Variants in CAMKMT observed in about 807,000 individuals in gnomAD.
CAMKMT encodes the protein CaM KMT.
Under a neutral mutation model 48.0 loss-of-function variants are expected in CAMKMT, and 53 were observed. That is an observed-to-expected ratio of 1.10 (90% CI 0.89 to 1.39). The LOEUF is 1.39. Ranked by LOEUF, CAMKMT falls within the 40% of genes most tolerant of loss-of-function variation. The pLI is 0.00. For synonymous variants in CAMKMT, 165 were observed against 152.3 expected, an observed-to-expected ratio of 1.08 and a Z score of -0.61; for missense variants, 428 against 402.7, an observed-to-expected ratio of 1.06 and a Z score of -0.54.
chr2:44,550,101 T>G (rs1389373931), intron 3 of CAMKMT, among the ~76,000 whole-genome samples: 1 of 152,122 alleles, frequency 6.6e-6, no homozygotes, highest in Non-Finnish European at 1.5e-5. Flanking sequence ...AGCATATATG[T>G]TTTTAAGACT....
chr2:44,378,999 C>G (rs1212805094), intron 2 of CAMKMT, among the ~76,000 whole-genome samples: 2 of 152,164 alleles, frequency 1.3e-5, no homozygotes, highest in African/African-American at 2.4e-5. Flanking sequence ...TGTTGTACAG[C>G]CTTCACCACT....
chr2:44,362,842 G>A (rs780334865), intron 1 of CAMKMT, among the ~76,000 whole-genome samples: 1 of 152,320 alleles, frequency 6.6e-6, no homozygotes, highest in East Asian at 1.9e-4. Context: ...CTCCACTCGT[G>A]CAAGCTTGAC....
intron 3 of CAMKMT, among the ~76,000 whole-genome samples, chr2:44,410,999 C>T (rs1683166222): frequency 6.6e-6 from 1 of 152,004 alleles, no homozygotes; most frequent in Non-Finnish European, 1.5e-5. Context: ...GATTATATAC[C>T]TTAATAAAGG....
chr2:44,499,408 C>G (rs1331910030), intron 3 of CAMKMT, among the ~76,000 whole-genome samples: 1 of 152,160 alleles, frequency 6.6e-6, no homozygotes, highest in Non-Finnish European at 1.5e-5. Flanking sequence ...TTAATTGAAG[C>G]TTTGAATATA....
chr2:44,399,791 T>C (rs1319621929), intron 3 of CAMKMT, among the ~76,000 whole-genome samples: 1 of 152,146 alleles, frequency 6.6e-6, no homozygotes, highest in Non-Finnish European at 1.5e-5. Context: ...GTAGGTAGAC[T>C]GGAAGAAGAA....
rs77997012 is a variant in CAMKMT at position 44,367,313 on chromosome 2, C to G, written c.138+5168C>G. On this transcript the variant is annotated intron_variant, in intron 1 of 10. Coordinates refer to ENST00000378494, the MANE Select transcript of CAMKMT (RefSeq NM_024766.5). ...TAAAGATCTTAAATGCTTCAATATCCGAAACTTTTTGAGAGCCGACATGTT... is the reference window on the plus strand; with the variant it reads ...TAAAGATCTTAAATGCTTCAATATCGGAAACTTTTTGAGAGCCGACATGTT... Among the ~76,000 whole-genome samples, 1,683 of 152,140 alleles carry G rather than the reference C, an allele frequency of 0.011. 102 individuals carry two copies. In the East Asian group the frequency reaches 0.15, roughly 14 times the overall value.
chr2:44,537,881 G>T (rs1666867150), intron 3 of CAMKMT, among the ~76,000 whole-genome samples: 1 of 152,126 alleles, frequency 6.6e-6, no homozygotes, highest in Non-Finnish European at 1.5e-5. Context: ...CAACCTCTAT[G>T]GAAAACAGTA....
intron 3 of CAMKMT, among the ~76,000 whole-genome samples, chr2:44,447,118 A>C (rs1667045132): frequency 6.6e-6 from 1 of 152,130 alleles, no homozygotes; most frequent in Non-Finnish European, 1.5e-5. Flanking sequence ...TATTTAGTGG[A>C]GATATGATGC....
chr2:44,642,209 A>T (rs1359627764), intron 3 of CAMKMT, among the ~76,000 whole-genome samples: 1 of 152,242 alleles, frequency 6.6e-6, no homozygotes, highest in Non-Finnish European at 1.5e-5. Context: ...AGTTATCTTG[A>T]TTGCCAGTCT....
At chr2:44,649,569 A>T (rs1360309945) in intron 3 of CAMKMT, among the ~76,000 whole-genome samples, 1 of 152,124 alleles carries the variant, frequency 6.6e-6, no homozygotes, top group East Asian at 1.9e-4. Flanking sequence ...CTGGGTAGAA[A>T]TCCTCTTCAT....
At chr2:44,369,863 G>A (rs1678980480) in intron 1 of CAMKMT, 1 of 152,176 alleles carries the variant, frequency 6.6e-6, no homozygotes. Flanking sequence ...AGTTGGTTGT[G>A]AATTATAGTT....
At chr2:44,739,877 T>G (rs1679575766) in intron 7 of CAMKMT, among the ~76,000 whole-genome samples, 1 of 152,188 alleles carries the variant, frequency 6.6e-6, no homozygotes, top group African/African-American at 2.4e-5. Flanking sequence ...GTTTGAATAC[T>G]GATGGAAGTA....
At chr2:44,456,662 T>G (rs955272496) in intron 3 of CAMKMT, 12 of 1,528,356 alleles carry the variant, frequency 7.9e-6, no homozygotes, top group Non-Finnish European at 9.7e-6. Context: ...ATGGGACTTA[T>G]AAGAAAAGAT....
At chr2:44,709,619 T>C (rs1677763649) in intron 6 of CAMKMT, among the ~76,000 whole-genome samples, 1 of 151,660 alleles carries the variant, frequency 6.6e-6, no homozygotes, top group Admixed American at 6.6e-5. Flanking sequence ...ATATGAATGA[T>C]TTTTTTTTCT....
intron 3 of CAMKMT, among the ~76,000 whole-genome samples, chr2:44,642,383 A>G (rs1382906421): frequency 1.3e-5 from 2 of 152,224 alleles, no homozygotes; most frequent in African/African-American, 2.4e-5. Context: ...AGTGCTTCCT[A>G]GTGGCACTGG....
intron 3 of CAMKMT, among the ~76,000 whole-genome samples, chr2:44,616,504 A>G (rs1671896196): frequency 6.6e-6 from 1 of 151,412 alleles, no homozygotes; most frequent in African/African-American, 2.4e-5. Flanking sequence ...ATTACAAGCC[A>G]TATATATACT....
intron 3 of CAMKMT, among the ~76,000 whole-genome samples, chr2:44,408,107 C>G (rs1038143174): frequency 1.3e-5 from 2 of 150,544 alleles, no homozygotes. Context: ...CTCACTGCAA[C>G]CTCCACCTCC....
chr2:44,466,007 T>G (rs786416), intron 3 of CAMKMT, among the ~76,000 whole-genome samples: 13,680 of 152,204 alleles, frequency 0.09, 786 homozygotes, highest in East Asian at 0.21. Context: ...TATATGCATC[T>G]AACAGTAGAG....
intron 3 of CAMKMT, among the ~76,000 whole-genome samples, chr2:44,392,326 T>G (rs1402459903): frequency 6.6e-6 from 1 of 152,160 alleles, no homozygotes; most frequent in Non-Finnish European, 1.5e-5. Flanking sequence ...GTACCTTTTA[T>G]GTTTACTTTT....
Sources: gnomAD v4.1 joint callset for allele counts (sites outside exome capture counted in the v4.1 genomes callset) on GRCh38, gnomAD v4.1.1 for gene constraint, MANE v1.5 for transcripts, NCBI Gene and HGNC (gene_info 2026-07-23, HGNC 2026-07-21) for gene names.